The following REDIC1 variants were observed in gnomAD, a reference collection of about 807,000 sequenced individuals.
The protein encoded by REDIC1 is HEI10 Interacting Protein 1.
chr12:39,700,704 C>G, the REDIC1 span, among the ~76,000 whole-genome samples: 2 of 152,034 alleles, frequency 1.3e-5, no homozygotes, highest in South Asian at 2.1e-4. Context: ...GGGTTACCCT[C>G]AAAGGGAAGC....
At chr12:39,868,154 A>G in the REDIC1 span, among the ~76,000 whole-genome samples, 1 of 152,194 alleles carries the variant, frequency 6.6e-6, no homozygotes, top group Non-Finnish European at 1.5e-5. Context: ...AGTCTAATAC[A>G]AGAAGGCTTT....
chr12:39,906,432 C>T, the REDIC1 span, among the ~76,000 whole-genome samples: 1 of 152,042 alleles, frequency 6.6e-6, no homozygotes, highest in African/African-American at 2.4e-5. Context: ...ATATGAAAGT[C>T]ACTAGATAAC....
chr12:39,744,060 A>G, the REDIC1 span, among the ~76,000 whole-genome samples: 1 of 152,226 alleles, frequency 6.6e-6, no homozygotes, highest in Non-Finnish European at 1.5e-5. Context: ...TAGTCAAAAT[A>G]CAGAAAAATC....
the REDIC1 span, chr12:39,641,042 C>A: frequency 6.9e-7 from 1 of 1,445,730 alleles, no homozygotes; most frequent in Non-Finnish European, 9.7e-7. Flanking sequence ...AGACTAATAA[C>A]CTTGAAGTGC....
At chr12:39,639,069 T>A in the REDIC1 span, among the ~76,000 whole-genome samples, 4 of 152,072 alleles carry the variant, frequency 2.6e-5, no homozygotes, top group African/African-American at 9.7e-5. Context: ...ATACTTTTTA[T>A]ATTTCTGAAC....
At chr12:39,704,876 A>C in the REDIC1 span, among the ~76,000 whole-genome samples, 8 of 152,048 alleles carry the variant, frequency 5.3e-5, no homozygotes, top group African/African-American at 1.9e-4. Context: ...GAACAATGAG[A>C]ACACATGGAC....
the REDIC1 span, chr12:39,716,972 G>A: frequency 3.9e-6 from 2 of 511,186 alleles, no homozygotes; most frequent in Non-Finnish European, 6.0e-6. Flanking sequence ...AAACAAAAAG[G>A]TAAAAAATTT....
At chr12:39,733,082 C>CACACAA in the REDIC1 span, among the ~76,000 whole-genome samples, 1 of 151,696 alleles carries the variant, frequency 6.6e-6, no homozygotes, top group African/African-American at 2.4e-5. Flanking sequence ...CACACACACA[C>CACACAA]ACACACACAC....
At chr12:39,864,764 G>C in the REDIC1 span, 1 of 1,613,808 alleles carries the variant, frequency 6.2e-7, no homozygotes, top group African/African-American at 1.3e-5. Flanking sequence ...AATCTCACCT[G>C]TATCTTGTGC....
chr12:39,903,939 GAAC>G, the REDIC1 span, among the ~76,000 whole-genome samples: 2 of 152,122 alleles, frequency 1.3e-5, no homozygotes, highest in South Asian at 4.1e-4. Flanking sequence ...TTGGACTAAA[GAAC>G]AACAGACAGG....
At chr12:39,900,037 T>C in the REDIC1 span, among the ~76,000 whole-genome samples, 1 of 152,158 alleles carries the variant, frequency 6.6e-6, no homozygotes, top group Non-Finnish European at 1.5e-5. Flanking sequence ...TGGTTCATTA[T>C]ATGCAAATCA....
At chr12:39,888,749 T>C in the REDIC1 span, among the ~76,000 whole-genome samples, 1 of 152,236 alleles carries the variant, frequency 6.6e-6, no homozygotes, top group African/African-American at 2.4e-5. Context: ...CTTTTGAATA[T>C]AGTGTTTTCC....
At chr12:39,748,846 A>G in the REDIC1 span, among the ~76,000 whole-genome samples, 4 of 152,256 alleles carry the variant, frequency 2.6e-5, no homozygotes, top group African/African-American at 9.6e-5. Flanking sequence ...ATGAAGGCAG[A>G]AATAAAGATG....
At chr12:39,825,206 C>T in the REDIC1 span, among the ~76,000 whole-genome samples, 363 of 152,102 alleles carry the variant, frequency 2.4e-3, no homozygotes, top group African/African-American at 8.5e-3. Context: ...ATTAGCAATA[C>T]TATTTTAAAT....
the REDIC1 span, among the ~76,000 whole-genome samples, chr12:39,848,913 A>C: frequency 6.6e-6 from 1 of 152,308 alleles, no homozygotes; most frequent in South Asian, 2.1e-4. Context: ...TAGCAAACTA[A>C]CACAGGAACA....
At chr12:39,633,353 A>G in the REDIC1 span, among the ~76,000 whole-genome samples, 3 of 152,140 alleles carry the variant, frequency 2.0e-5, no homozygotes, top group Non-Finnish European at 4.4e-5. Context: ...CTTCACCTCT[A>G]CATCTTGTTC....
At chr12:39,684,023 G>GTA in the REDIC1 span, 1 of 491,000 alleles carries the variant, frequency 2.0e-6, no homozygotes, top group East Asian at 1.5e-4. Context: ...TTACCTCTCA[G>GTA]AGACTCCATG....
At chr12:39,694,400 C>T in the REDIC1 span, among the ~76,000 whole-genome samples, 3 of 147,272 alleles carry the variant, frequency 2.0e-5, no homozygotes, top group African/African-American at 7.3e-5. Flanking sequence ...CTGGGAGTGG[C>T]GACATGGTGC....
the REDIC1 span, chr12:39,721,221 T>C: frequency 2.5e-6 from 4 of 1,613,254 alleles, no homozygotes; most frequent in East Asian, 8.9e-5. Flanking sequence ...CAGATACCAC[T>C]GGAGGGCAGG....
Sources: allele counts gnomAD v4.1 joint callset (sites outside exome capture counted in the v4.1 genomes callset), GRCh38; gene constraint gnomAD v4.1.1; transcripts MANE v1.5; gene names NCBI Gene and HGNC (gene_info 2026-07-23, HGNC 2026-07-21).